Variants in NPHS1 observed in about 807,000 individuals in gnomAD.
NPHS1 encodes nephrin.
NPHS1 carries 107 observed loss-of-function variants against 139.7 expected under a neutral mutation model. That is an observed-to-expected ratio of 0.77 (90% CI 0.66 to 0.90). The LOEUF (loss-of-function observed/expected upper bound fraction) is 0.90, where lower values mean the gene tolerates loss of function less well. Ranked by LOEUF, NPHS1 falls within the 40% of genes least tolerant of loss-of-function variation. NPHS1 has a pLI of 0.00. For missense variants in NPHS1, 1,580 were observed against 1,654.2 expected, an observed-to-expected ratio of 0.96 and a Z score of 0.78; for synonymous variants, 707 against 706.6, an observed-to-expected ratio of 1.00 and a Z score of -0.01.
chr19:35,849,642 CGGG>C lies in NPHS1; in HGVS notation c.617_619del (p.Pro206del). Reference sequence around the variant, plus strand: ...CAGCAACTGCCTATTATCTGAGCTCCGGGGTGTCACCCTGGGATGAGAAGTCAG... The same window carrying C: ...CAGCAACTGCCTATTATCTGAGCTCCGTGTCACCCTGGGATGAGAAGTCAG... On this transcript the variant is annotated inframe_deletion, in exon 6 of 29. Coordinates refer to ENST00000378910, the MANE Select transcript of NPHS1 (RefSeq NM_004646.4). The C allele has an allele frequency of 6.2e-7, 1 of 1,613,480 alleles. No homozygotes were observed. Among genetic ancestry groups the C allele is most frequent in the South Asian group, 1.1e-5 (1 of 91,054 alleles).
At position 35,839,518 on chromosome 19, in the gene NPHS1, G is replaced by C; in HGVS notation, c.2905C>G (p.Leu969Val). The change falls in exon 21 of 29, where the codon CTG becomes GTG. Residue 969 changes from leucine (L) to valine (V), a missense_variant. Coordinates refer to ENST00000378910, the MANE Select transcript of NPHS1 (RefSeq NM_004646.4). Reference protein sequence around the residue: ...LEWKPGFDGGLPQRFCIRYEA... With the variant: ...LEWKPGFDGGVPQRFCIRYEA... ...CACCTGATGCAGAACCTCTGTGGCA[G>C]GCCCCCATCAAAGCCAGGCTTCCAC... 6.2e-7 allele frequency: 1 copy of C among 1,614,112 alleles called. No individual in the cohort carries two copies. The highest frequency in any genetic ancestry group is 2.2e-5 in the East Asian group (1 of 44,884).
rs766083758 is a variant in NPHS1 at position 35,845,672 on chromosome 19, T to A, written c.1754A>T (p.Glu585Val). 3 of 1,613,618 alleles carry A rather than the reference T, an allele frequency of 1.9e-6. No homozygotes were observed. Among genetic ancestry groups the A allele is most frequent in the Non-Finnish European group, 2.5e-6 (3 of 1,179,800 alleles). ...PVNLSWDKEG[E>V]RLEGVAAPPR... ...GAGGGATCCCTCGCACTCCCACCTCTCCCCTTCCTTGTCCCAGGACAAGTT... is the reference window on the plus strand; with the variant it reads ...GAGGGATCCCTCGCACTCCCACCTCACCCCTTCCTTGTCCCAGGACAAGTT... The change falls in exon 13 of 29, where the codon GAG (glutamate) becomes GTG (valine). Residue 585 changes from glutamate (E) to valine (V), a missense_variant. Physicochemically the swap from Glu to Val is moderately radical, Grantham distance 121. Transcript: ENST00000378910. This position sits in a 1 kb window ranked among gnomAD's most constrained non-coding sequence, Gnocchi z 5.5.
At chr19:35,838,214 AC>A in intron 22 of NPHS1, among the ~76,000 whole-genome samples, 1 of 151,650 alleles carries the variant, frequency 6.6e-6, no homozygotes. Flanking sequence ...ATTGCACTCC[AC>A]CCTGGGCAAC....
chr19:35,845,440 G>T lies in NPHS1; in HGVS notation c.1858C>A (p.Arg620Ser), dbSNP rs775318477. 1.9e-6 allele frequency: 3 copies of T among 1,614,052 alleles called. No homozygotes were observed. The highest frequency in any genetic ancestry group is 1.3e-5 in the African/African-American group (1 of 74,956). ...GCGCTGTGGGCGCGGCAGGTCACGC[G>T]CTGGCCATGATCGCGGGATGACACT... is the stretch of plus-strand genomic sequence containing the variant. The part of the protein sequence containing the change: ...LQVSSRDHGQ[R>S]VTCRAHSAEL... The change falls in exon 14 of 29, where the codon CGC becomes AGC. Residue 620 changes from arginine to serine, a missense_variant. By Grantham distance (110) the Arg-to-Ser change is moderately radical (BLOSUM62 -1). Coordinates refer to ENST00000378910, the MANE Select transcript of NPHS1 (RefSeq NM_004646.4). This position sits in a 1 kb window ranked among gnomAD's most constrained non-coding sequence, Gnocchi z 5.5.
intron 14 of NPHS1, among the ~76,000 whole-genome samples, 196 bp from the exon 15 acceptor site, chr19:35,844,655 G>A (rs1235222827): frequency 6.6e-6 from 1 of 152,198 alleles, no homozygotes; most frequent in East Asian, 1.9e-4. Context: ...TAGGAAAAGA[G>A]CAGAAGCCAG....
In NPHS1 at chr19:35,839,447, G is replaced by T. The variant is rs929638836; in HGVS notation, c.2928-29C>A. On this transcript the variant is annotated intron_variant, in intron 21 of 28. Coordinates refer to ENST00000378910, the MANE Select transcript of NPHS1 (RefSeq NM_004646.4). The stretch of plus-strand genomic sequence containing the variant: ...CAGGACAGGGGGATAGTAAATTCAG[G>T]GAAGTGCCCTAGCCCATTCCCTTCC... 5 of 1,613,852 alleles carry T rather than the reference G, an allele frequency of 3.1e-6. No individual in the cohort carries two copies. In the East Asian group the frequency reaches 1.1e-4, roughly 36 times the overall value.
intron 4 of NPHS1, 57 bp downstream of exon 4, chr19:35,850,904 C>G (rs1200089164): frequency 6.2e-7 from 1 of 1,606,338 alleles, no homozygotes; most frequent in South Asian, 1.1e-5. Flanking sequence ...GAACACACAC[C>G]CTTCCCACTC....
Position 35,848,360 on chromosome 19 carries a change from G to A in NPHS1, c.1208C>T (p.Thr403Ile), listed in dbSNP as rs777713785. The stretch of plus-strand genomic sequence containing the variant: ...GTTGTCCTCCCGCCGCGCCAGGAAT[G>A]TCAGGTTGGACATGGAGATGTGACC... ...HGGHISMSNLTFLARREDNGL... is the reference protein window; with the variant it reads ...HGGHISMSNLIFLARREDNGL... Residue 403 changes from threonine (T) to isoleucine (I), a missense_variant, in exon 10 of 29, where the codon ACA (threonine) becomes ATA (isoleucine). Coordinates refer to ENST00000378910, the MANE Select transcript of NPHS1 (RefSeq NM_004646.4). 6.2e-7 allele frequency: 1 copy of A among 1,614,156 alleles called. No individual in the cohort carries two copies.
Position 35,843,591 on chromosome 19 carries a change from C to T in NPHS1, c.2215G>A (p.Ala739Thr). 1 of 1,613,976 alleles carries T rather than the reference C, an allele frequency of 6.2e-7. No homozygotes were observed. Among genetic ancestry groups the T allele is most frequent in the South Asian group, 1.1e-5 (1 of 91,082 alleles). Reference sequence around the variant, plus strand: ...TCCTGGAGGGCACGGATGGTGGGAGCATCTGGTGGAAGGCAGAGGCTTGGG... The same window carrying T: ...TCCTGGAGGGCACGGATGGTGGGAGTATCTGGTGGAAGGCAGAGGCTTGGG... ...EARLRLDVHY[A>T]PTIRALQDPT... The change falls in exon 17 of 29, where the codon GCT becomes ACT. Residue 739 changes from alanine (A) to threonine (T), a missense_variant and splice_region_variant. Physicochemically the swap from Ala to Thr is moderately conservative, Grantham distance 58 (BLOSUM62 0). Coordinates refer to ENST00000378910, the MANE Select transcript of NPHS1 (RefSeq NM_004646.4).
At chr19:35,846,378 C>T (rs1358449876) in intron 11 of NPHS1, among the ~76,000 whole-genome samples, 184 bp from the exon 12 acceptor site, 2 of 152,164 alleles carry the variant, frequency 1.3e-5, no homozygotes, top group African/African-American at 4.8e-5. Context: ...ACTGAGTGAC[C>T]CCCTCCCTGG....
intron 16 of NPHS1, 184 bp from the exon 17 acceptor site, chr19:35,843,777 A>G (rs1973094020): frequency 1.4e-6 from 1 of 719,282 alleles, no homozygotes; most frequent in African/African-American, 1.8e-5. Context: ...TCCACCCTCC[A>G]CTATGCCTCT....
chr19:35,836,682 A>C (rs992973767), intron 22 of NPHS1, among the ~76,000 whole-genome samples: 2 of 152,014 alleles, frequency 1.3e-5, no homozygotes, highest in Non-Finnish European at 2.9e-5. Flanking sequence ...CTGCTCTGTC[A>C]GGAAGAGGAA....
chr19:35,827,225 C>T (rs2146803862), intron 28 of NPHS1, among the ~76,000 whole-genome samples: 1 of 152,146 alleles, frequency 6.6e-6, no homozygotes, highest in Middle Eastern at 3.4e-3. Flanking sequence ...AATCGATCCA[C>T]CCGTCTCAGC....
chr19:35,851,351 AG>A lies in NPHS1; in HGVS notation c.307del (p.Leu103SerfsTer25). On this transcript the variant is annotated frameshift_variant, in exon 3 of 29. Coordinates refer to ENST00000378910, the MANE Select transcript of NPHS1 (RefSeq NM_004646.4). LOFTEE classifies it high-confidence loss of function. Reference protein sequence around the residue: ...EFHLHIEACDLSDDAEYECQV... With the variant: ...EFHLHIEACDXSDDAEYECQV... ...GCACTCATACTCCGCGTCATCGCTG[AG>A]GTCACAGGCCTCGATGTGCAGGTGG... 6.2e-7 allele frequency: 1 copy of A among 1,613,620 alleles called. No individual in the cohort carries two copies. The highest frequency in any genetic ancestry group is 8.5e-7 in the Non-Finnish European group (1 of 1,179,824).
Position 35,851,530 on chromosome 19 carries a change from A to G in NPHS1, c.201T>C (p.Asp67=), listed in dbSNP as rs1568457709. ...TGGGGTCGGGGCCCAGGAGCAGCCC[A>G]TCTTTGGCCCATTGCACCGCACTGC... is the stretch of plus-strand genomic sequence containing the variant. ...TPGSAVQWAK[D]GLLLGPDPRI... Residue 67 remains aspartate (D), a synonymous_variant, in exon 2 of 29, where the codon GAT becomes GAC. Transcript: ENST00000378910. The G allele has an allele frequency of 6.2e-7, 1 of 1,613,732 alleles. No homozygotes were observed. Among genetic ancestry groups the G allele is most frequent in the Non-Finnish European group, 8.5e-7 (1 of 1,180,006 alleles).
rs1599845177 is a variant in NPHS1, at chr19:35,848,675, A to G, written c.1132T>C (p.Trp378Arg). The G allele has an allele frequency of 6.8e-6, 11 of 1,613,826 alleles. No homozygotes were observed. In the East Asian group the frequency reaches 1.8e-4, roughly 26 times the overall value. The change falls in exon 9 of 29, where the codon TGG becomes CGG. Residue 378 changes from tryptophan (W) to arginine (R), a missense_variant. Physicochemically the swap from Trp to Arg is moderately radical, Grantham distance 101. Transcript: ENST00000378910. ...TCCTCCATGGGCAGCAGCTGCCGCC[A>G]GCCCAGCCACCATCGTAGCAGAACC... Reference protein sequence around the residue: ...PRVLLRWWLGWRQLLPMEETV... With the variant: ...PRVLLRWWLGRRQLLPMEETV...
chr19:35,841,972 A>G (rs1184872146), intron 19 of NPHS1, 106 bp from the exon 20 acceptor site: 1 of 1,413,518 alleles, frequency 7.1e-7, no homozygotes, highest in African/African-American at 1.4e-5. Context: ...CTATCTATCC[A>G]TTCATCCATT....
chr19:35,839,530 A>G lies in NPHS1; in HGVS notation c.2893T>C (p.Phe965Leu). 1 of 1,614,146 alleles carries G rather than the reference A, an allele frequency of 6.2e-7. No individual in the cohort carries two copies. Among genetic ancestry groups the G allele is most frequent in the South Asian group, 1.1e-5 (1 of 91,068 alleles). Residue 965 changes from phenylalanine to leucine, a missense_variant, in exon 21 of 29, where the codon TTT (phenylalanine) becomes CTT (leucine). Transcript: ENST00000378910. ...AACCTCTGTGGCAGGCCCCCATCAA[A>G]GCCAGGCTTCCACTCCAGCCCCACG... ...HSVGLEWKPG[F>L]DGGLPQRFCI...
At chr19:35,834,902 A>AT (rs1568450331) in intron 23 of NPHS1, among the ~76,000 whole-genome samples, 1 of 148,814 alleles carries the variant, frequency 6.7e-6, no homozygotes, top group African/African-American at 2.6e-5. Context: ...AAATAAAAAA[A>AT]TAAAAAAAAA....
Sources: allele counts gnomAD v4.1 joint callset (sites outside exome capture counted in the v4.1 genomes callset), GRCh38; gene constraint gnomAD v4.1.1; non-coding constraint Gnocchi (gnomAD v3.1); transcripts MANE v1.5; gene names NCBI Gene and HGNC (gene_info 2026-07-23, HGNC 2026-07-21).